Variants in TMEM117 observed in about 807,000 individuals in gnomAD.
TMEM117 encodes transmembrane protein 117.
TMEM117 carries 27 observed loss-of-function variants against 52.4 expected under a neutral mutation model. That is an observed-to-expected ratio of 0.51 (90% CI 0.38 to 0.71). TMEM117 has a LOEUF of 0.71. TMEM117 is among the 30% of genes least tolerant of loss of function. The pLI is 0.00. For synonymous variants in TMEM117, 215 were observed against 206.3 expected, an observed-to-expected ratio of 1.04 and a Z score of -0.36; for missense variants, 556 against 630.5, an observed-to-expected ratio of 0.88 and a Z score of 1.26.
intron 3 of TMEM117, among the ~76,000 whole-genome samples, chr12:44,087,187 A>G (rs1490030826): frequency 6.6e-6 from 1 of 151,728 alleles, no homozygotes; most frequent in Non-Finnish European, 1.5e-5. Flanking sequence ...GTTCCAAATT[A>G]TGTACAATTA....
chr12:44,248,006 G>C (rs552817737), intron 5 of TMEM117, among the ~76,000 whole-genome samples: 1 of 152,180 alleles, frequency 6.6e-6, no homozygotes, highest in Non-Finnish European at 1.5e-5. Flanking sequence ...ATGAGAATGA[G>C]GACTTGGGTT....
chr12:43,835,276 G>A (rs540902811), upstream of TMEM117, among the ~76,000 whole-genome samples: 17 of 152,272 alleles, frequency 1.1e-4, no homozygotes, highest in African/African-American at 3.6e-4. Context: ...GCCCTATGCC[G>A]CAGAGGTATC....
intron 3 of TMEM117, among the ~76,000 whole-genome samples, chr12:44,133,504 T>G (rs1195962431): frequency 6.6e-6 from 1 of 152,170 alleles, no homozygotes; most frequent in African/African-American, 2.4e-5. Context: ...CTTTTCCTTT[T>G]TCTTTTTGCT....
At chr12:44,020,204 T>C (rs1434973970) in intron 3 of TMEM117, among the ~76,000 whole-genome samples, 1 of 152,186 alleles carries the variant, frequency 6.6e-6, no homozygotes, top group Non-Finnish European at 1.5e-5. Flanking sequence ...AATAATATGG[T>C]CTGTGTTAGC....
intron 4 of TMEM117, among the ~76,000 whole-genome samples, chr12:44,154,916 A>G (rs538952904): frequency 6.6e-6 from 1 of 152,100 alleles, no homozygotes; most frequent in Admixed American, 6.6e-5. Context: ...GACAACTTCA[A>G]TTGACTATTT....
At chr12:44,383,327 C>T (rs1483955759) in intron 7 of TMEM117, among the ~76,000 whole-genome samples, 1 of 149,952 alleles carries the variant, frequency 6.7e-6, no homozygotes, top group East Asian at 1.9e-4. Context: ...AACACTTTCC[C>T]TCAAATTGTT....
At chr12:44,183,687 G>A (rs1001332531) in intron 4 of TMEM117, among the ~76,000 whole-genome samples, 14 of 152,158 alleles carry the variant, frequency 9.2e-5, no homozygotes, top group African/African-American at 3.4e-4. Flanking sequence ...AAGGAATAAG[G>A]TCTCAAAGGA....
At chr12:44,167,128 A>G (rs530097846) in intron 4 of TMEM117, among the ~76,000 whole-genome samples, 1 of 152,300 alleles carries the variant, frequency 6.6e-6, no homozygotes, top group African/African-American at 2.4e-5. Flanking sequence ...TCCTGAAATT[A>G]TATGCAATAA....
chr12:44,244,000 T>C (rs949598148), intron 5 of TMEM117, among the ~76,000 whole-genome samples: 5 of 151,950 alleles, frequency 3.3e-5, no homozygotes, highest in African/African-American at 1.2e-4. Context: ...TGTATGTATA[T>C]ACATTTCCTT....
chr12:44,297,899 T>C (rs545155448), intron 5 of TMEM117, among the ~76,000 whole-genome samples: 1 of 152,210 alleles, frequency 6.6e-6, no homozygotes, highest in Non-Finnish European at 1.5e-5. Flanking sequence ...CCCATGCTTA[T>C]TTAATTCATT....
intron 6 of TMEM117, 193 bp from the exon 7 acceptor site, chr12:44,376,400 CTT>C: frequency 3.0e-6 from 2 of 676,758 alleles, no homozygotes; most frequent in Non-Finnish European, 5.2e-6. Context: ...TAAGTTATGA[CTT>C]AATTTTGATT....
chr12:44,115,126 A>G (rs1007842030), intron 3 of TMEM117, among the ~76,000 whole-genome samples: 7 of 152,168 alleles, frequency 4.6e-5, no homozygotes, highest in African/African-American at 9.7e-5. Context: ...GACATTGCCA[A>G]TCCTTTAAAA....
At chr12:44,258,307 ACT>A (rs1457834658) in intron 5 of TMEM117, among the ~76,000 whole-genome samples, 1 of 152,128 alleles carries the variant, frequency 6.6e-6, no homozygotes, top group Non-Finnish European at 1.5e-5. Context: ...TCAGGTAATT[ACT>A]GTCTATGTAT....
At chr12:44,332,247 T>C (rs1951280646) in intron 6 of TMEM117, among the ~76,000 whole-genome samples, 1 of 152,064 alleles carries the variant, frequency 6.6e-6, no homozygotes, top group South Asian at 2.1e-4. Flanking sequence ...ATAAATTGCA[T>C]AGTTTTATTT....
At chr12:44,105,670 T>C (rs1359623559) in intron 3 of TMEM117, among the ~76,000 whole-genome samples, 1 of 152,014 alleles carries the variant, frequency 6.6e-6, no homozygotes, top group East Asian at 1.9e-4. Flanking sequence ...AAGTGCTTTT[T>C]AGTCTCCTTC....
At chr12:43,973,487 C>T (rs879359887) in intron 3 of TMEM117, among the ~76,000 whole-genome samples, 3 of 152,154 alleles carry the variant, frequency 2.0e-5, no homozygotes, top group South Asian at 2.1e-4. Flanking sequence ...TTAAGATTTT[C>T]GGCTTTTGAA....
chr12:43,980,023 CT>C (rs916436457), intron 3 of TMEM117, among the ~76,000 whole-genome samples: 3 of 152,106 alleles, frequency 2.0e-5, no homozygotes, highest in Admixed American at 6.6e-5. Context: ...AACTGATTGC[CT>C]TGTTGATCTT....
chr12:44,152,761 T>C (rs1271608428), intron 4 of TMEM117, among the ~76,000 whole-genome samples: 1 of 140,004 alleles, frequency 7.1e-6, no homozygotes, highest in South Asian at 2.1e-4. Flanking sequence ...TTATAATGTA[T>C]ATAATATAAA....
chr12:44,008,423 A>G (rs1312448051), intron 3 of TMEM117, among the ~76,000 whole-genome samples: 1 of 152,170 alleles, frequency 6.6e-6, no homozygotes, highest in Non-Finnish European at 1.5e-5. Flanking sequence ...TTTTTTGTTT[A>G]TAAGATACTC....
Sources: allele counts gnomAD v4.1 joint callset (sites outside exome capture counted in the v4.1 genomes callset), GRCh38; gene constraint gnomAD v4.1.1; transcripts MANE v1.5; gene names NCBI Gene and HGNC (gene_info 2026-07-23, HGNC 2026-07-21).